Variants in LRRK2 observed in about 807,000 individuals in gnomAD.
LRRK2 encodes leucine rich repeat kinase 2, also known as leucine-rich repeat serine/threonine-protein kinase 2.
Under a neutral mutation model 302.6 loss-of-function variants are expected in LRRK2, and 203 were observed. That is an observed-to-expected ratio of 0.67 (90% CI 0.60 to 0.75). LRRK2 has a LOEUF of 0.75. LRRK2 is among the 30% of genes least tolerant of loss of function. The probability of loss-of-function intolerance (pLI) is 0.00; values close to 1 mark genes in which losing one functional copy is unlikely to be tolerated. For missense variants in LRRK2, 2,830 were observed against 2,951.0 expected (o/e 0.96, Z 0.95); for synonymous variants, 1,066 against 1,031.9 (o/e 1.03, Z -0.63).
chr12:40,286,053 C>G (rs968522393), intron 19 of LRRK2, among the ~76,000 whole-genome samples: 2 of 151,848 alleles, frequency 1.3e-5, no homozygotes, highest in Non-Finnish European at 2.9e-5. Context: ...GAATTGTGGG[C>G]CCATTGGAGA....
rs1355106775 is a variant in LRRK2, at chr12:40,366,835, T to TA, written c.7391-164dup. ...GTGGATCACAGATTTTGTTATTTTT[T>TA]AAAAAAATGCTGGTCTTTATTCAAT... On this transcript the variant is annotated intron_variant, in intron 49 of 50. Coordinates refer to ENST00000298910, the MANE Select transcript of LRRK2 (RefSeq NM_198578.4). 1.8e-5 allele frequency: 10 copies of TA among 548,480 alleles called. No individual in the cohort carries two copies. The East Asian group carries it at 2.9e-4, about 16-fold the overall frequency. 34.0% of individuals were successfully genotyped at this position (548,480 alleles called of 1,614,324 possible). A position where few individuals can be genotyped will look rare whatever the true frequency, so the allele number is the denominator to read the frequency against.
intron 14 of LRRK2, among the ~76,000 whole-genome samples, chr12:40,265,323 G>T (rs17465960): frequency 4.0e-4 from 61 of 152,244 alleles, no homozygotes; most frequent in Non-Finnish European, 7.4e-4. Context: ...TGAAACCTTG[G>T]TTCTTTTCTT....
rs1298560991 is a variant in LRRK2 at position 40,368,884 on chromosome 12, CCTATG to C, written c.*1120_*1124del. ...ACAATAGGAGTATCAGGGCCAAATA[CCTATG>C]TAATAATTTGAGGTCATTTCTGCTT... On this transcript the variant is annotated 3_prime_UTR_variant, in exon 51 of 51. Coordinates refer to ENST00000298910, the MANE Select transcript of LRRK2 (RefSeq NM_198578.4). 1 of 151,778 alleles carries C rather than the reference CCTATG, an allele frequency of 6.6e-6. No homozygotes were observed. Among genetic ancestry groups the C allele is most frequent in the Non-Finnish European group, 1.5e-5 (1 of 67,772 alleles). 9.4% of individuals were successfully genotyped at this position (151,778 alleles called of 1,614,324 possible).
chr12:40,289,464 G>A (rs1483993100), intron 20 of LRRK2, among the ~76,000 whole-genome samples: 7 of 149,690 alleles, frequency 4.7e-5, no homozygotes, highest in African/African-American at 1.5e-4. Context: ...TCCATATTTA[G>A]ATTTTATATA....
Position 40,237,531 on chromosome 12 carries a change from G to A in LRRK2, c.437-438G>A, listed in dbSNP as rs1218675030. Among the ~76,000 whole-genome samples the A allele has an allele frequency of 3.3e-5, 5 of 152,154 alleles. No homozygotes were observed. In the East Asian group the frequency reaches 7.7e-4, roughly 23 times the overall value. ...CTTGGATAGAGAATGAGAAGAGAAA[G>A]GAGGGTGGAAGAAGGAAGATGACTT... is the stretch of plus-strand genomic sequence containing the variant. On this transcript the variant is annotated intron_variant, in intron 4 of 50. Transcript: ENST00000298910.
chr12:40,340,053 T>C (rs933350172), intron 40 of LRRK2, among the ~76,000 whole-genome samples: 1 of 152,208 alleles, frequency 6.6e-6, no homozygotes. Context: ...GATAGATTTG[T>C]CTTAAAATTG....
At chr12:40,293,058 A>T (rs187486908) in intron 20 of LRRK2, among the ~76,000 whole-genome samples, 1 of 152,058 alleles carries the variant, frequency 6.6e-6, no homozygotes, top group East Asian at 1.9e-4. Flanking sequence ...AAATTCAGGG[A>T]GTTAATCCAC....
chr12:40,339,043 G>A (rs959431321), intron 40 of LRRK2, among the ~76,000 whole-genome samples: 1 of 152,140 alleles, frequency 6.6e-6, no homozygotes, highest in Non-Finnish European at 1.5e-5. Context: ...CTGGAAGAGA[G>A]AGAATCTTCA....
At chr12:40,272,094 C>T (rs1198317289) in intron 14 of LRRK2, among the ~76,000 whole-genome samples, 1 of 152,162 alleles carries the variant, frequency 6.6e-6, no homozygotes, top group Non-Finnish European at 1.5e-5. Context: ...TGGAAATGCA[C>T]ACTCCTTGTT....
rs574361461 is a variant in LRRK2, at chr12:40,336,604, C to G, written c.5948+1447C>G. 8.5e-5 allele frequency among the ~76,000 whole-genome samples: 13 copies of G among 152,318 alleles called. No homozygotes were observed. In the South Asian group the frequency reaches 2.7e-3, roughly 32 times the overall value. On this transcript the variant is annotated intron_variant, in intron 40 of 50. Coordinates refer to ENST00000298910, the MANE Select transcript of LRRK2 (RefSeq NM_198578.4). ...AAGCAGTGTATGCAACTTTCCTTCT[C>G]TTCTTTCTCTTCTGAAATGCTATGA...
Position 40,225,302 on chromosome 12 carries a change from C to A in LRRK2, c.151+20C>A. ...AGCGCGGTAATCACTTGAAAATAAA[C>A]TGTGCTTTTATTTTTGCAAACTTTC... On this transcript the variant is annotated intron_variant, in intron 1 of 50. Coordinates refer to ENST00000298910, the MANE Select transcript of LRRK2 (RefSeq NM_198578.4). 6.2e-7 allele frequency: 1 copy of A among 1,613,452 alleles called. No individual in the cohort carries two copies. Among genetic ancestry groups the A allele is most frequent in the Non-Finnish European group, 8.5e-7 (1 of 1,179,612 alleles).
At chr12:40,250,463 C>T (rs1172513155) in intron 8 of LRRK2, among the ~76,000 whole-genome samples, 2 of 152,170 alleles carry the variant, frequency 1.3e-5, no homozygotes, top group Non-Finnish European at 2.9e-5. Flanking sequence ...GCACTCCAGC[C>T]TGGGCAACAA....
At chr12:40,257,518 T>C in intron 12 of LRRK2, 141 bp downstream of exon 12, 1 of 928,888 alleles carries the variant, frequency 1.1e-6, no homozygotes, top group South Asian at 1.5e-5. Context: ...CAATGTAATC[T>C]CGTGTCACTA....
chr12:40,247,944 T>A (rs557888271), intron 7 of LRRK2, among the ~76,000 whole-genome samples: 38 of 151,998 alleles, frequency 2.5e-4, no homozygotes, highest in Non-Finnish European at 4.4e-4. Context: ...ATGTAAGCAG[T>A]AAGGGATGAA....
chr12:40,248,567 A>G (rs1233856223), intron 7 of LRRK2, among the ~76,000 whole-genome samples: 1 of 152,202 alleles, frequency 6.6e-6, no homozygotes, highest in Non-Finnish European at 1.5e-5. Context: ...AAGTAGCTGA[A>G]TGAAACTCTT....
intron 14 of LRRK2, among the ~76,000 whole-genome samples, chr12:40,266,035 A>C (rs1226658438): frequency 1.3e-5 from 2 of 152,232 alleles, no homozygotes; most frequent in African/African-American, 4.8e-5. Context: ...GTTAGACCTA[A>C]AACCATAAAA....
rs751907041 is a variant in LRRK2, at chr12:40,259,480, C to G, written c.1419C>G (p.Ser473Arg). ...AAGCATGCCAATTTTATATCCCCAGCAACACTTCCCTGGATATAATGGCAG... is the reference window on the plus strand; with the variant it reads ...AAGCATGCCAATTTTATATCCCCAGGAACACTTCCCTGGATATAATGGCAG... ...CKMLNHLFEG[S>R]NTSLDIMAAV... The change falls in exon 13 of 51, where the codon AGC becomes AGG. Residue 473 changes from serine to arginine, a missense_variant and splice_region_variant. By Grantham distance (110) the Ser-to-Arg change is moderately radical. This residue lies in a region of LRRK2 where 2,121 missense variants were observed against 2,148.0 expected (regional missense o/e 0.99). Coordinates refer to ENST00000298910, the MANE Select transcript of LRRK2 (RefSeq NM_198578.4). The G allele has an allele frequency of 6.2e-7, 1 of 1,613,080 alleles. No homozygotes were observed. The highest frequency in any genetic ancestry group is 1.1e-5 in the South Asian group (1 of 91,066).
intron 39 of LRRK2, among the ~76,000 whole-genome samples, chr12:40,332,960 T>TAAAAAAAAAAAAAAAGAAAAAGAC: frequency 7.0e-6 from 1 of 142,078 alleles, no homozygotes; most frequent in Non-Finnish European, 1.5e-5. Flanking sequence ...CTTCTTCTCT[T>TAAAAAAAAAAAAAAAGAAAAAGAC]AAAAAAAAAA....
chr12:40,341,516 G>C (rs1946044375), intron 41 of LRRK2, among the ~76,000 whole-genome samples: 1 of 152,150 alleles, frequency 6.6e-6, no homozygotes, highest in South Asian at 2.1e-4. Context: ...CAAAGTGTAT[G>C]TTCTGGCTGA....
Sources: gnomAD v4.1 joint callset for allele counts (sites outside exome capture counted in the v4.1 genomes callset) on GRCh38, gnomAD v4.1.1 for gene constraint, gnomAD v4.1.1 regional missense constraint, MANE v1.5 for transcripts, NCBI Gene and HGNC (gene_info 2026-07-23, HGNC 2026-07-21) for gene names.